RCOR2: variants seen among roughly 807,000 people sequenced by gnomAD.
RCOR2 encodes the protein REST corepressor 2.
Under a neutral mutation model 58.9 loss-of-function variants are expected in RCOR2, and 19 were observed. That is an observed-to-expected ratio of 0.32 (90% CI 0.23 to 0.47). The LOEUF (loss-of-function observed/expected upper bound fraction) is 0.47. Among genes scored for constraint, RCOR2 ranks in the 20% least tolerant of loss-of-function variants. The pLI, the probability that RCOR2 is intolerant of heterozygous loss-of-function variation, is 1.00. For missense variants in RCOR2, 590 were observed against 707.9 expected, an observed-to-expected ratio of 0.83 and a Z score of 1.89; for synonymous variants, 286 against 278.7, an observed-to-expected ratio of 1.03 and a Z score of -0.26.
In RCOR2 at chr11:63,914,128, C is replaced by T. The variant is rs1590735006; in HGVS notation, c.717G>A (p.Gly239=). The T allele has an allele frequency of 6.2e-7, 1 of 1,613,918 alleles. No homozygotes were observed. Among genetic ancestry groups the T allele is most frequent in the Non-Finnish European group, 8.5e-7 (1 of 1,180,010 alleles). Residue 239 remains glycine, a synonymous_variant, in exon 8 of 12, where the codon GGG becomes GGA. Transcript: ENST00000301459. Reference sequence around the variant, plus strand: ...ACTGAGACACCTGGACCTCCTTTTTCCCAGGGCCTGGGCGTGCATTCAGGG... The same window carrying T: ...ACTGAGACACCTGGACCTCCTTTTTTCCAGGGCCTGGGCGTGCATTCAGGG... ...SRPLNARPGP[G]KKEVQVSQYR... is the part of the protein sequence containing the mutation.
chr11:63,913,396 G>A (rs1486509656), intron 8 of RCOR2, among the ~76,000 whole-genome samples: 1 of 150,954 alleles, frequency 6.6e-6, no homozygotes, highest in Non-Finnish European at 1.5e-5. Flanking sequence ...CTCCATGTTG[G>A]TCAGGCTGGT....
At chr11:63,926,797 GT>G in the RCOR2 span, among the ~76,000 whole-genome samples, 40,003 of 133,152 alleles carry the variant, frequency 0.3, 6,848 homozygotes, top group Non-Finnish European at 0.41. Context: ...TTTTTGTTTT[GT>G]TTTTTTTGTT....
chr11:63,914,135 C>T lies in RCOR2; in HGVS notation c.710G>A (p.Gly237Asp). Residue 237 changes from glycine (G) to aspartate (D), a missense_variant, in exon 8 of 12, where the codon GGC becomes GAC. Gly to Asp is a moderately conservative substitution (Grantham distance 94). Transcript: ENST00000301459. The stretch of plus-strand genomic sequence containing the variant: ...CACCTGGACCTCCTTTTTCCCAGGG[C>T]CTGGGCGTGCATTCAGGGGCCGAGA... Reference protein sequence around the residue: ...LPSRPLNARPGPGKKEVQVSQ... With the variant: ...LPSRPLNARPDPGKKEVQVSQ... The T allele has an allele frequency of 1.9e-6, 3 of 1,613,892 alleles. No homozygotes were observed. The highest frequency in any genetic ancestry group is 1.7e-6 in the Non-Finnish European group (2 of 1,180,010).
At chr11:63,922,236 C>A in the RCOR2 span, among the ~76,000 whole-genome samples, 28 of 152,186 alleles carry the variant, frequency 1.8e-4, no homozygotes, top group Non-Finnish European at 3.8e-4. Flanking sequence ...GTTACAGCAA[C>A]ACAAAATGGA....
upstream of RCOR2, among the ~76,000 whole-genome samples, chr11:63,921,249 G>A (rs868683378): frequency 5.9e-5 from 9 of 152,160 alleles, no homozygotes; most frequent in African/African-American, 1.9e-4. Flanking sequence ...GGGGTGGGGG[G>A]CCTCCCCTTG....
upstream of RCOR2, among the ~76,000 whole-genome samples, chr11:63,920,456 C>T (rs549935452): frequency 4.1e-4 from 62 of 152,350 alleles, no homozygotes; most frequent in African/African-American, 1.4e-3. Context: ...GTCCCGAGCT[C>T]CGGCCCAGCG....
chr11:63,911,894 G>A lies in RCOR2; in HGVS notation c.1543C>T (p.Pro515Ser), dbSNP rs1170024483. 1.2e-5 allele frequency: 17 copies of A among 1,411,008 alleles called. No homozygotes were observed. Among genetic ancestry groups the A allele is most frequent in the Non-Finnish European group, 1.6e-5 (17 of 1,065,122 alleles). 87.4% of individuals were successfully genotyped at this position (1,411,008 alleles called of 1,614,324 possible). A position where few individuals can be genotyped will look rare whatever the true frequency, so the allele number is the denominator to read the frequency against. ...AGTGAGGGTGCTGGGGGCTCCAGAG[G>A]GGTTCCAATCAGGGTGGGTGGGGGC... ...PQPPPTLIGT[P>S]LEPPAPSL is the part of the protein sequence containing the mutation. The change falls in exon 12 of 12, where the codon CCT becomes TCT. Residue 515 changes from proline to serine, a missense_variant. By Grantham distance (74) the Pro-to-Ser change is moderately conservative (BLOSUM62 -1). This residue lies in a region of RCOR2 where 196 missense variants were observed against 210.7 expected (regional missense o/e 0.93). Transcript: ENST00000301459.
At chr11:63,915,414 A>T in intron 2 of RCOR2, 141 bp downstream of exon 2, 3 of 1,134,404 alleles carry the variant, frequency 2.6e-6, no homozygotes, top group Non-Finnish European at 3.9e-6. Flanking sequence ...CAGGGCAGGA[A>T]AGCAAACCAT....
chr11:63,916,480 G>A lies in RCOR2; in HGVS notation c.-24C>T. The A allele has an allele frequency of 6.3e-7, 1 of 1,599,048 alleles. No individual in the cohort carries two copies. The highest frequency in any genetic ancestry group is 1.7e-5 in the Admixed American group (1 of 58,702). Reference sequence around the variant, plus strand: ...ATTACCCCGCCCAGCTGCCCCGGGGGGCGCAGGAGCCTTCGGAGAGCGACA... The same window carrying A: ...ATTACCCCGCCCAGCTGCCCCGGGGAGCGCAGGAGCCTTCGGAGAGCGACA... On this transcript the variant is annotated 5_prime_UTR_variant, in exon 1 of 12. Transcript: ENST00000301459.
intron 9 of RCOR2, 64 bp downstream of exon 9, chr11:63,912,806 C>G: frequency 6.2e-7 from 1 of 1,600,998 alleles, no homozygotes; most frequent in Non-Finnish European, 8.6e-7. Context: ...CCAAGCAGTA[C>G]TCTTTCTGCT....
intron 8 of RCOR2, among the ~76,000 whole-genome samples, chr11:63,913,491 A>ATTCTTTTTTTTTTT (rs1941809656): frequency 7.9e-6 from 1 of 126,694 alleles, no homozygotes; most frequent in Non-Finnish European, 1.7e-5. Flanking sequence ...TGCTCGGCCT[A>ATTCTTTTTTTTTTT]TTTTTTTTTG....
At position 63,914,121 on chromosome 11, in the gene RCOR2, C is replaced by G; in HGVS notation, c.724G>C (p.Glu242Gln). ...TGGCGGTACTGAGACACCTGGACCT[C>G]CTTTTTCCCAGGGCCTGGGCGTGCA... is the stretch of plus-strand genomic sequence containing the variant. ...LNARPGPGKK[E>Q]VQVSQYRHHP... The change falls in exon 8 of 12, where the codon GAG (glutamate) becomes CAG (glutamine). Residue 242 changes from glutamate (E) to glutamine (Q), a missense_variant. Transcript: ENST00000301459. The G allele has an allele frequency of 6.2e-7, 1 of 1,613,894 alleles. No homozygotes were observed. The highest frequency in any genetic ancestry group is 8.5e-7 in the Non-Finnish European group (1 of 1,180,016).
In RCOR2 at chr11:63,914,545, G is replaced by C. The variant is rs1245832995; in HGVS notation, c.481-4C>G. 4.3e-6 allele frequency: 7 copies of C among 1,613,640 alleles called. No individual in the cohort carries two copies. The highest frequency in any genetic ancestry group is 5.9e-6 in the Non-Finnish European group (7 of 1,180,014). ...TGGGAATCAACTTGTCAGGCAGCTGGAGGAGGCAACGCCAGAAGCTGGGGA... is the reference window on the plus strand; with the variant it reads ...TGGGAATCAACTTGTCAGGCAGCTGCAGGAGGCAACGCCAGAAGCTGGGGA... On this transcript the variant is annotated splice_polypyrimidine_tract_variant and splice_region_variant and intron_variant, in intron 5 of 11. Transcript: ENST00000301459.
At chr11:63,927,336 T>C in the RCOR2 span, among the ~76,000 whole-genome samples, 3 of 152,154 alleles carry the variant, frequency 2.0e-5, no homozygotes, top group South Asian at 6.2e-4. Flanking sequence ...AGTGGCAAGA[T>C]CACAGCTTAC....
chr11:63,924,070 G>C, the RCOR2 span, among the ~76,000 whole-genome samples: 1 of 152,062 alleles, frequency 6.6e-6, no homozygotes, highest in South Asian at 2.1e-4. Flanking sequence ...TACCACGCCC[G>C]GCTAATTTTG....
chr11:63,913,522 G>A (rs1424406506), intron 8 of RCOR2, among the ~76,000 whole-genome samples: 18 of 101,264 alleles, frequency 1.8e-4, no homozygotes, highest in East Asian at 5.2e-4. Context: ...TCACTCTGTC[G>A]CCCAGGCTGG....
At position 63,912,537 on chromosome 11, in the gene RCOR2, G is replaced by T; in HGVS notation, c.1028-3C>A. Reference sequence around the variant, plus strand: ...GTCTTTGCCATACCTACGGATGGCTGCAAGGGTCAAAAGGGCAGCAGCGTC... The same window carrying T: ...GTCTTTGCCATACCTACGGATGGCTTCAAGGGTCAAAAGGGCAGCAGCGTC... On this transcript the variant is annotated splice_polypyrimidine_tract_variant and splice_region_variant and intron_variant, in intron 10 of 11. Coordinates refer to ENST00000301459, the MANE Select transcript of RCOR2 (RefSeq NM_173587.4). The T allele has an allele frequency of 1.2e-6, 2 of 1,609,544 alleles. No individual in the cohort carries two copies. Among genetic ancestry groups the T allele is most frequent in the Non-Finnish European group, 1.7e-6 (2 of 1,175,990 alleles).
At chr11:63,918,753 T>C (rs1941895517), upstream of RCOR2, among the ~76,000 whole-genome samples, 1 of 152,108 alleles carries the variant, frequency 6.6e-6, no homozygotes, top group Admixed American at 6.5e-5. Context: ...CAGCCTCTCC[T>C]ACGGTGCTGT....
the RCOR2 span, among the ~76,000 whole-genome samples, chr11:63,923,295 AACAC>A: frequency 6.6e-6 from 1 of 150,696 alleles, no homozygotes; most frequent in Non-Finnish European, 1.5e-5. Context: ...ATTCATCCTA[AACAC>A]ACACACACCC....
Sources: allele counts gnomAD v4.1 joint callset (sites outside exome capture counted in the v4.1 genomes callset), GRCh38; gene constraint gnomAD v4.1.1; regional missense constraint gnomAD v4.1.1; transcripts MANE v1.5; gene names NCBI Gene and HGNC (gene_info 2026-07-23, HGNC 2026-07-21).